FAM135B: variants seen among roughly 807,000 people sequenced by gnomAD.
FAM135B encodes protein FAM135B.
FAM135B carries 43 observed loss-of-function variants against 127.7 expected under a neutral mutation model. The observed-to-expected ratio is 0.34, with a 90% confidence interval of 0.26 to 0.43. The LOEUF (loss-of-function observed/expected upper bound fraction) is 0.43. Ranked by LOEUF, FAM135B falls within the 20% of genes least tolerant of loss-of-function variation. The pLI is 1.00. For synonymous variants in FAM135B, 670 were observed against 665.1 expected (o/e 1.01, Z -0.11); for missense variants, 1,558 against 1,725.6 (o/e 0.90, Z 1.72).
chr8:138,491,604 CTCATTCAT>C (rs145147091), intron 1 of FAM135B, among the ~76,000 whole-genome samples: 6 of 152,118 alleles, frequency 3.9e-5, no homozygotes, highest in East Asian at 1.9e-4. Context: ...CCTACGTTCA[CTCATTCAT>C]TCATTCATTC....
chr8:138,438,056 C>T (rs2131534034), intron 1 of FAM135B: 1 of 152,246 alleles, frequency 6.6e-6, no homozygotes, highest in Middle Eastern at 3.4e-3. Context: ...CCCGAGAGTA[C>T]AAAAACAGTC....
intron 2 of FAM135B, among the ~76,000 whole-genome samples, chr8:138,360,072 A>C (rs1046160254): frequency 1.3e-5 from 2 of 152,168 alleles, no homozygotes; most frequent in African/African-American, 4.8e-5. Context: ...AATCTCCTAA[A>C]TGATATGTAA....
intron 2 of FAM135B, among the ~76,000 whole-genome samples, chr8:138,330,548 G>A (rs866312332): frequency 6.6e-5 from 10 of 152,192 alleles, no homozygotes; most frequent in East Asian, 1.9e-4. Flanking sequence ...CTGTGCTGCC[G>A]CCGAGTCCAG....
intron 1 of FAM135B, among the ~76,000 whole-genome samples, chr8:138,413,995 A>G (rs1236719984): frequency 6.6e-6 from 1 of 151,948 alleles, no homozygotes; most frequent in Admixed American, 6.6e-5. Flanking sequence ...GAGTGAGAGC[A>G]TGAAGTGTCC....
intron 12 of FAM135B, among the ~76,000 whole-genome samples, chr8:138,166,960 C>T (rs1327639102): frequency 2.0e-5 from 3 of 151,990 alleles, no homozygotes; most frequent in Non-Finnish European, 4.4e-5. Context: ...GATACCATCC[C>T]ATTGTAGGAC....
At chr8:138,350,497 A>AACACACACAC (rs59686476) in intron 2 of FAM135B, among the ~76,000 whole-genome samples, 95 of 148,160 alleles carry the variant, frequency 6.4e-4, no homozygotes, top group Middle Eastern at 3.4e-3. Flanking sequence ...GGTTTTCTAC[A>AACACACACAC]ACACACACAC....
chr8:138,309,764 G>A (rs1187348857), intron 3 of FAM135B, among the ~76,000 whole-genome samples: 6 of 151,814 alleles, frequency 4.0e-5, no homozygotes, highest in African/African-American at 1.5e-4. Context: ...AACATTCTTG[G>A]CTACTCGTAC....
At chr8:138,401,359 T>C (rs1391903556) in intron 1 of FAM135B, among the ~76,000 whole-genome samples, 1 of 152,212 alleles carries the variant, frequency 6.6e-6, no homozygotes, top group African/African-American at 2.4e-5. Context: ...ACTGCAACCT[T>C]AAAATCATTA....
intron 1 of FAM135B, among the ~76,000 whole-genome samples, chr8:138,457,327 C>G (rs1367803284): frequency 6.6e-6 from 1 of 152,160 alleles, no homozygotes; most frequent in African/African-American, 2.4e-5. Context: ...ATGGAAAGTA[C>G]TGTGAGCCAC....
At chr8:138,441,653 G>A (rs1835772557) in intron 1 of FAM135B, 1 of 151,956 alleles carries the variant, frequency 6.6e-6, no homozygotes, top group Admixed American at 6.5e-5. Context: ...CTGAAACAAT[G>A]CCTGCAAGTA....
intron 2 of FAM135B, among the ~76,000 whole-genome samples, chr8:138,359,695 C>A (rs1830297038): frequency 6.6e-6 from 1 of 152,132 alleles, no homozygotes; most frequent in Admixed American, 6.6e-5. Flanking sequence ...CCAGACAAAT[C>A]AATTAATCAC....
rs146263355 is a variant in FAM135B, at chr8:138,288,298, A to G, written c.158-22456T>C. Among the ~76,000 whole-genome samples the G allele has an allele frequency of 2.0e-3, 304 of 152,322 alleles. 2 individuals carry two copies. The highest frequency in any genetic ancestry group is 2.8e-3 in the Non-Finnish European group (193 of 68,036). On this transcript the variant is annotated intron_variant, in intron 3 of 19. Coordinates refer to ENST00000395297, the MANE Select transcript of FAM135B (RefSeq NM_015912.4). ...AGTTTTATAATCTGTCATTGAATAA[A>G]TGGACATTAAGGAGTCATTTCTATT...
intron 7 of FAM135B, among the ~76,000 whole-genome samples, chr8:138,204,832 A>T (rs888186082): frequency 1.3e-5 from 2 of 152,240 alleles, no homozygotes; most frequent in Non-Finnish European, 1.5e-5. Flanking sequence ...AAAGCAAGAC[A>T]TATTTTTTAA....
At chr8:138,238,494 G>A (rs1359524563) in intron 7 of FAM135B, among the ~76,000 whole-genome samples, 1 of 152,144 alleles carries the variant, frequency 6.6e-6, no homozygotes, top group Admixed American at 6.5e-5. Flanking sequence ...GGAAAGAAAA[G>A]AGGCCACGAG....
intron 1 of FAM135B, among the ~76,000 whole-genome samples, chr8:138,479,846 C>T (rs965228736): frequency 6.6e-6 from 1 of 152,078 alleles, no homozygotes; most frequent in African/African-American, 2.4e-5. Context: ...TTACATAGAG[C>T]TCTAACATCT....
At chr8:138,269,895 T>C (rs1157444187) in intron 3 of FAM135B, among the ~76,000 whole-genome samples, 1 of 152,174 alleles carries the variant, frequency 6.6e-6, no homozygotes, top group Admixed American at 6.5e-5. Context: ...TCAGGTAGGG[T>C]GAATTTTCGG....
At chr8:138,385,086 C>T (rs1272541574) in intron 1 of FAM135B, among the ~76,000 whole-genome samples, 1 of 152,182 alleles carries the variant, frequency 6.6e-6, no homozygotes, top group Non-Finnish European at 1.5e-5. Context: ...CTCCTCACTC[C>T]GTTTCCCCCA....
intron 2 of FAM135B, among the ~76,000 whole-genome samples, chr8:138,327,972 G>A (rs1399020129): frequency 6.6e-6 from 1 of 152,076 alleles, no homozygotes; most frequent in African/African-American, 2.4e-5. Flanking sequence ...AATAAAAACA[G>A]CAAAATGGCT....
intron 15 of FAM135B, among the ~76,000 whole-genome samples, chr8:138,145,479 T>C (rs1047508313): frequency 6.6e-6 from 1 of 152,088 alleles, no homozygotes; most frequent in Non-Finnish European, 1.5e-5. Context: ...GAGGAGATGG[T>C]GGTATCAATG....
Sources: gnomAD v4.1 joint callset for allele counts (sites outside exome capture counted in the v4.1 genomes callset) on GRCh38, gnomAD v4.1.1 for gene constraint, MANE v1.5 for transcripts, NCBI Gene and HGNC (gene_info 2026-07-23, HGNC 2026-07-21) for gene names.